The following LRRC49 variants were observed in gnomAD, a reference collection of about 807,000 sequenced individuals.
LRRC49 encodes leucine-rich repeat-containing protein 49.
In LRRC49, 50 loss-of-function variants were observed where a neutral mutation model predicts 83.3. The observed-to-expected ratio is 0.60, with a 90% CI of 0.48 to 0.76. The LOEUF is 0.76. LRRC49 is among the 30% of genes least tolerant of loss of function. The pLI is 0.00. For synonymous variants in LRRC49, 286 were observed against 283.3 expected (o/e 1.01, Z -0.10); for missense variants, 704 against 809.1 (o/e 0.87, Z 1.58).
At chr15:70,901,326 C>A (rs904011747) in intron 4 of LRRC49, among the ~76,000 whole-genome samples, 54 of 152,282 alleles carry the variant, frequency 3.5e-4, no homozygotes, top group African/African-American at 1.3e-3. Flanking sequence ...ATAATCCTCA[C>A]ATGAGCTTCC....
intron 14 of LRRC49, among the ~76,000 whole-genome samples, chr15:71,023,766 G>C (rs117759774): frequency 4.6e-5 from 7 of 152,250 alleles, no homozygotes; most frequent in African/African-American, 1.4e-4. Flanking sequence ...GCACAGAGCT[G>C]TGCAGATTCT....
chr15:70,922,507 G>A (rs780883688), intron 7 of LRRC49, among the ~76,000 whole-genome samples: 11 of 152,062 alleles, frequency 7.2e-5, no homozygotes, highest in Admixed American at 2.6e-4. Flanking sequence ...GAGAGTAGGA[G>A]GATGGTTATC....
intron 8 of LRRC49, among the ~76,000 whole-genome samples, chr15:70,954,899 G>A (rs1278145861): frequency 6.6e-6 from 1 of 152,092 alleles, no homozygotes; most frequent in East Asian, 1.9e-4. Flanking sequence ...TGCTCCAGTG[G>A]GCAGGGCTGT....
chr15:70,855,455 T>A (rs1029301304), intron 1 of LRRC49, among the ~76,000 whole-genome samples: 3 of 152,082 alleles, frequency 2.0e-5, no homozygotes, highest in African/African-American at 7.2e-5. Context: ...ATTTATCATA[T>A]TAATTTGCCA....
chr15:70,869,612 T>A (rs561042287), intron 1 of LRRC49, among the ~76,000 whole-genome samples: 9 of 152,178 alleles, frequency 5.9e-5, no homozygotes, highest in Non-Finnish European at 1.3e-4. Context: ...CGCTGCTTTA[T>A]CAGCGATTAC....
intron 1 of LRRC49, among the ~76,000 whole-genome samples, chr15:70,865,199 T>C (rs534919695): frequency 1.3e-4 from 20 of 152,324 alleles, no homozygotes; most frequent in African/African-American, 4.6e-4. Flanking sequence ...TTCTGCTTAG[T>C]GGTTACTGGC....
At chr15:70,977,646 T>A (rs1333527010) in intron 9 of LRRC49, among the ~76,000 whole-genome samples, 1 of 152,038 alleles carries the variant, frequency 6.6e-6, no homozygotes, top group Non-Finnish European at 1.5e-5. Flanking sequence ...CACAAGACTG[T>A]CTTAAAAAAA....
chr15:70,965,718 G>T (rs1380863541), intron 9 of LRRC49, among the ~76,000 whole-genome samples: 1 of 152,024 alleles, frequency 6.6e-6, no homozygotes, highest in Admixed American at 6.6e-5. Context: ...CTTTATTGAG[G>T]ATGCTTACTT....
At chr15:71,010,615 A>G (rs1012165241) in intron 13 of LRRC49, among the ~76,000 whole-genome samples, 1 of 152,050 alleles carries the variant, frequency 6.6e-6, no homozygotes, top group African/African-American at 2.4e-5. Flanking sequence ...CCATGACTAC[A>G]TTGGGTAACT....
chr15:70,921,994 G>C (rs1323151536), intron 7 of LRRC49, among the ~76,000 whole-genome samples: 6 of 152,060 alleles, frequency 3.9e-5, no homozygotes, highest in African/African-American at 1.4e-4. Context: ...TAAAAATTAT[G>C]AAGTGTCTTA....
At chr15:70,894,313 T>C (rs1168763650) in intron 2 of LRRC49, among the ~76,000 whole-genome samples, 1 of 152,204 alleles carries the variant, frequency 6.6e-6, no homozygotes, top group East Asian at 1.9e-4. Context: ...GTCTTACTAC[T>C]AATGACACCT....
At chr15:70,869,666 C>T (rs1174505286) in intron 1 of LRRC49, among the ~76,000 whole-genome samples, 1 of 152,188 alleles carries the variant, frequency 6.6e-6, no homozygotes, top group Non-Finnish European at 1.5e-5. Flanking sequence ...CACACACATG[C>T]AGCAGCCCAC....
intron 1 of LRRC49, among the ~76,000 whole-genome samples, chr15:70,856,265 T>C (rs1184349596): frequency 6.6e-6 from 1 of 152,210 alleles, no homozygotes; most frequent in Non-Finnish European, 1.5e-5. Flanking sequence ...AGAAATTGAA[T>C]TTATATGTCC....
At chr15:70,927,872 A>C (rs894578131) in intron 7 of LRRC49, among the ~76,000 whole-genome samples, 4 of 151,920 alleles carry the variant, frequency 2.6e-5, no homozygotes, top group Admixed American at 6.6e-5. Context: ...GGTCTCAAAC[A>C]CCTGGGCTCA....
intron 11 of LRRC49, among the ~76,000 whole-genome samples, chr15:70,999,469 T>C (rs2141249789): frequency 6.6e-6 from 1 of 152,290 alleles, no homozygotes; most frequent in South Asian, 2.1e-4. Context: ...CTTAAATGCC[T>C]GGAGAAAAAA....
At chr15:71,014,160 A>G (rs1446414482) in intron 14 of LRRC49, among the ~76,000 whole-genome samples, 2 of 152,238 alleles carry the variant, frequency 1.3e-5, no homozygotes, top group African/African-American at 4.8e-5. Flanking sequence ...TGAATTCAAG[A>G]AACAATGATG....
chr15:70,874,678 C>T (rs1000547262), intron 2 of LRRC49, among the ~76,000 whole-genome samples: 1 of 152,038 alleles, frequency 6.6e-6, no homozygotes, highest in African/African-American at 2.4e-5. Flanking sequence ...AAGATTTTTC[C>T]AGCTATAACA....
chr15:70,895,973 A>G (rs1289186686), intron 3 of LRRC49, 37 bp downstream of exon 3: 2 of 1,169,928 alleles, frequency 1.7e-6, no homozygotes, highest in Non-Finnish European at 2.5e-6. Context: ...GTGGTTCATC[A>G]TCTTTGAATA....
In LRRC49 at chr15:70,959,676, A is replaced by C. The variant is rs144544882; in HGVS notation, c.774-4109A>C. Among the ~76,000 whole-genome samples the C allele has an allele frequency of 6.8e-4, 103 of 152,228 alleles. 1 individual carries two copies. In the East Asian group the frequency reaches 0.019, roughly 28 times the overall value. On this transcript the variant is annotated intron_variant, in intron 8 of 15. Transcript: ENST00000260382. ...ATTGGATTCTAAAGTTTATATGAAA[A>C]GGCCAGAAAGAAAGAAAATCCCAAT...
Sources: allele counts gnomAD v4.1 joint callset (sites outside exome capture counted in the v4.1 genomes callset), GRCh38; gene constraint gnomAD v4.1.1; transcripts MANE v1.5; gene names NCBI Gene and HGNC (gene_info 2026-07-23, HGNC 2026-07-21).